Variants in SMYD3 observed in about 807,000 individuals in gnomAD.
SMYD3 encodes SET and MYND domain containing 3, also known as histone-lysine N-methyltransferase SMYD3.
A neutral mutation model predicts 57.7 loss-of-function variants in SMYD3; 36 were observed. The ratio of observed to expected loss-of-function variants is 0.62; its 90% confidence interval spans 0.48 to 0.82. The LOEUF (loss-of-function observed/expected upper bound fraction) is 0.82, where lower values mean the gene tolerates loss of function less well. Ranked by LOEUF, SMYD3 falls within the 40% of genes least tolerant of loss-of-function variation. The pLI, the probability that SMYD3 is intolerant of heterozygous loss-of-function variation, is 0.00. For synonymous variants in SMYD3, 211 were observed against 195.0 expected, an observed-to-expected ratio of 1.08 and a Z score of -0.68; for missense variants, 515 against 538.8, an observed-to-expected ratio of 0.96 and a Z score of 0.44.
In SMYD3 at chr1:246,378,126, A is replaced by C. The variant is rs575922218; in HGVS notation, c.165-23032T>G. Reference sequence around the variant, plus strand: ...TCTTAGTGAATTTAATCATTTGTTGAGTGCCTGTTTTACAAACTCATTTCT... The same window carrying C: ...TCTTAGTGAATTTAATCATTTGTTGCGTGCCTGTTTTACAAACTCATTTCT... On this transcript the variant is annotated intron_variant, in intron 1 of 11. Coordinates refer to ENST00000490107, the MANE Select transcript of SMYD3 (RefSeq NM_001167740.2). 1.8e-3 allele frequency among the ~76,000 whole-genome samples: 268 copies of C among 152,326 alleles called. 1 individual carries two copies. Among genetic ancestry groups the C allele is most frequent in the African/African-American group, 6.3e-3 (261 of 41,568 alleles).
At chr1:245,924,394 T>C (rs2056213701) in intron 7 of SMYD3, among the ~76,000 whole-genome samples, 2 of 152,074 alleles carry the variant, frequency 1.3e-5, no homozygotes, top group Admixed American at 6.6e-5. Flanking sequence ...GTATTATAAA[T>C]GTTGCTGGTT....
At chr1:245,938,820 T>TA (rs1305345166) in intron 5 of SMYD3, among the ~76,000 whole-genome samples, 1 of 152,128 alleles carries the variant, frequency 6.6e-6, no homozygotes, top group African/African-American at 2.4e-5. Context: ...CCTGAGTTGG[T>TA]AAGTAGCTAA....
At chr1:246,309,546 CTG>C in intron 5 of SMYD3, among the ~76,000 whole-genome samples, 1 of 152,336 alleles carries the variant, frequency 6.6e-6, no homozygotes, top group South Asian at 2.1e-4. Flanking sequence ...TTCTCATACT[CTG>C]TGTCTACTGT....
intron 5 of SMYD3, among the ~76,000 whole-genome samples, chr1:245,959,999 CA>C (rs1194520138): frequency 1.3e-5 from 2 of 152,098 alleles, no homozygotes; most frequent in African/African-American, 4.8e-5. Flanking sequence ...AAGCTGCTCT[CA>C]AACTCGTGAC....
intron 10 of SMYD3, among the ~76,000 whole-genome samples, chr1:245,824,887 C>G (rs1290644256): frequency 6.9e-6 from 1 of 145,908 alleles, no homozygotes; most frequent in Admixed American, 7.0e-5. Context: ...AAAAATTAGT[C>G]GGGTGTGGCG....
chr1:246,489,143 G>T (rs6676541), intron 1 of SMYD3, among the ~76,000 whole-genome samples: 12,146 of 152,066 alleles, frequency 0.08, 1,588 homozygotes, highest in African/African-American at 0.27. Context: ...TCAAGAGATT[G>T]AGATCATCCT....
chr1:245,749,676 GGACGGAAGAGAGATTA>G lies in SMYD3; in HGVS notation c.1186-28_1186-13del. The G allele has an allele frequency of 6.2e-7, 1 of 1,608,942 alleles. No homozygotes were observed. Among genetic ancestry groups the G allele is most frequent in the East Asian group, 2.2e-5 (1 of 44,870 alleles). ...ATAATATCAAAAGCCTAAAGAGAAA[GGACGGAAGAGAGATTA>G]GACCCCAAAATAGGTGAGCTCAGGC... On this transcript the variant is annotated splice_polypyrimidine_tract_variant and intron_variant, in intron 11 of 11. Coordinates refer to ENST00000490107, the MANE Select transcript of SMYD3 (RefSeq NM_001167740.2).
intron 1 of SMYD3, among the ~76,000 whole-genome samples, chr1:246,488,378 C>T (rs1490014714): frequency 6.6e-6 from 1 of 152,184 alleles, no homozygotes; most frequent in Non-Finnish European, 1.5e-5. Context: ...AAAGTCCAAG[C>T]TAAGCACAGA....
chr1:245,868,238 C>G (rs796389112), intron 8 of SMYD3, among the ~76,000 whole-genome samples: 56 of 152,314 alleles, frequency 3.7e-4, no homozygotes, highest in African/African-American at 1.3e-3. Context: ...AAATGTCCTT[C>G]TACCCCTAAT....
At chr1:246,109,727 T>TC (rs1306139509) in intron 5 of SMYD3, 1 of 152,236 alleles carries the variant, frequency 6.6e-6, no homozygotes, top group Non-Finnish European at 1.5e-5. Flanking sequence ...ATAATTGATC[T>TC]CCTGGTCTCC....
At chr1:245,850,159 C>T (rs982003236) in intron 10 of SMYD3, among the ~76,000 whole-genome samples, 1 of 152,126 alleles carries the variant, frequency 6.6e-6, no homozygotes, top group Non-Finnish European at 1.5e-5. Context: ...TCACAGGTCG[C>T]CCTGGCCAGA....
chr1:246,399,721 T>C (rs1285593471), intron 1 of SMYD3, among the ~76,000 whole-genome samples: 3 of 152,206 alleles, frequency 2.0e-5, no homozygotes, highest in African/African-American at 7.2e-5. Flanking sequence ...TGCCTATCCT[T>C]AAGGAACTTA....
chr1:246,251,260 A>G (rs1200984875), intron 5 of SMYD3, among the ~76,000 whole-genome samples: 1 of 152,234 alleles, frequency 6.6e-6, no homozygotes, highest in Non-Finnish European at 1.5e-5. Context: ...TTTCTGATAA[A>G]GGAAAGCAGC....
Position 245,751,348 on chromosome 1 carries a change from G to A in SMYD3, c.1186-1684C>T, listed in dbSNP as rs2045341600. ...ACGCCTGCATTTTGCAATTCTGCAT[G>A]CAGGAAAACTTTCCATTCTACGTTG... is the stretch of plus-strand genomic sequence containing the variant. On this transcript the variant is annotated intron_variant, in intron 11 of 11. Coordinates refer to ENST00000490107, the MANE Select transcript of SMYD3 (RefSeq NM_001167740.2). 2.6e-5 allele frequency among the ~76,000 whole-genome samples: 4 copies of A among 152,180 alleles called. No individual in the cohort carries two copies. In the South Asian group the frequency reaches 8.3e-4, roughly 32 times the overall value.
intron 7 of SMYD3, among the ~76,000 whole-genome samples, chr1:245,925,203 C>G (rs1054484819): frequency 1.3e-5 from 2 of 152,050 alleles, no homozygotes; most frequent in Non-Finnish European, 2.9e-5. Context: ...GGAATTTTAA[C>G]TTTCAAAAAA....
intron 5 of SMYD3, chr1:246,305,896 A>G (rs1374301721): frequency 2.3e-4 from 35 of 152,160 alleles, no homozygotes; most frequent in Admixed American, 2.3e-3. Flanking sequence ...ACCATGACAA[A>G]GCAAAATTAC....
rs114282898 is a variant in SMYD3, at chr1:245,981,928, G to A, written c.532-51991C>T. 1.9e-3 allele frequency among the ~76,000 whole-genome samples: 286 copies of A among 152,352 alleles called. 1 individual carries two copies. Among genetic ancestry groups the A allele is most frequent in the Non-Finnish European group, 3.0e-3 (203 of 68,032 alleles). ...AGGTCTTCAAACCAGGCTTGGGCAGGCGAGTCTCCCAGCCCTCCCTCCAGC... is the reference window on the plus strand; with the variant it reads ...AGGTCTTCAAACCAGGCTTGGGCAGACGAGTCTCCCAGCCCTCCCTCCAGC... On this transcript the variant is annotated intron_variant, in intron 5 of 11. Coordinates refer to ENST00000490107, the MANE Select transcript of SMYD3 (RefSeq NM_001167740.2).
At chr1:246,211,118 GA>G (rs905320050) in intron 5 of SMYD3, among the ~76,000 whole-genome samples, 8 of 150,904 alleles carry the variant, frequency 5.3e-5, no homozygotes, top group African/African-American at 1.5e-4. Flanking sequence ...TCTATTATAG[GA>G]AAAAAAAATC....
chr1:246,090,437 C>A (rs1156259738), intron 5 of SMYD3, among the ~76,000 whole-genome samples: 2 of 151,870 alleles, frequency 1.3e-5, no homozygotes, highest in African/African-American at 4.8e-5. Flanking sequence ...CTGATCTCCA[C>A]CAAGAACTGA....
Sources: gnomAD v4.1 joint callset for allele counts (sites outside exome capture counted in the v4.1 genomes callset) on GRCh38, gnomAD v4.1.1 for gene constraint, MANE v1.5 for transcripts, NCBI Gene and HGNC (gene_info 2026-07-23, HGNC 2026-07-21) for gene names.